The following EXD3 variants were observed in gnomAD, a reference collection of about 807,000 sequenced individuals.
EXD3 encodes the protein exonuclease 3'-5' domain containing 3.
EXD3 carries 92 observed loss-of-function variants against 98.0 expected under a neutral mutation model. The ratio of observed to expected loss-of-function variants is 0.94; its 90% CI spans 0.79 to 1.12. EXD3 has a LOEUF of 1.12. Among genes scored for constraint, EXD3 ranks in the 50% most tolerant of loss-of-function variants. The pLI, the probability that EXD3 is intolerant of heterozygous loss-of-function variation, is 0.00. For missense variants in EXD3, 1,222 were observed against 1,191.6 expected, an observed-to-expected ratio of 1.03 and a Z score of -0.38; for synonymous variants, 569 against 526.0, an observed-to-expected ratio of 1.08 and a Z score of -1.12.
rs371234895 is a variant in EXD3 at position 137,307,642 on chromosome 9, G to A, written c.2283C>T (p.Asp761=). ...SHQEGPRSSG[D]EATQSQAVQE... ...GCACCGCCTGGCTCTGGGTGGCCTC[G>A]TCACCTGTCAGTCAAGGAAGAGAGC... Residue 761 remains aspartate (D), a synonymous_variant, in exon 21 of 22, where the codon GAC becomes GAT. Transcript: ENST00000340951. 1.2e-4 allele frequency: 188 copies of A among 1,609,666 alleles called. No homozygotes were observed. The African/African-American group carries it at 2.2e-3, about 19-fold the overall frequency.
intron 17 of EXD3, among the ~76,000 whole-genome samples, chr9:137,339,718 T>C (rs753525477): frequency 9.2e-5 from 14 of 152,156 alleles, no homozygotes; most frequent in Non-Finnish European, 2.1e-4. Context: ...TCAATGTTCA[T>C]TCATAACAAA....
At chr9:137,415,765 G>A (rs1838204765) in intron 1 of EXD3, among the ~76,000 whole-genome samples, 10 of 152,216 alleles carry the variant, frequency 6.6e-5, no homozygotes, top group Admixed American at 6.5e-4. Context: ...CCCCAGTTCT[G>A]ATCACACAAG....
chr9:137,361,710 C>T (rs145919820), intron 7 of EXD3, among the ~76,000 whole-genome samples: 1,511 of 146,272 alleles, frequency 0.01, 30 homozygotes, highest in African/African-American at 0.036. Context: ...CGCGCCACTG[C>T]ACTCTAGCCT....
At chr9:137,391,728 C>T (rs1393587357) in intron 2 of EXD3, 1 of 152,278 alleles carries the variant, frequency 6.6e-6, no homozygotes, top group East Asian at 1.9e-4. Flanking sequence ...CCAAGGAAGG[C>T]TCAAGCGCCG....
At chr9:137,353,599 CGCAGCCACCGTG>C (rs1554809925) in intron 10 of EXD3, 7 of 985,882 alleles carry the variant, frequency 7.1e-6, no homozygotes, top group Non-Finnish European at 8.4e-6. Flanking sequence ...TCTCCCACCC[CGCAGCCACCGTG>C]GCAGCGCCCA....
At position 137,396,697 on chromosome 9, in the gene EXD3, C is replaced by T. The variant is rs188261418; in HGVS notation, c.-47-1293G>A. Among the ~76,000 whole-genome samples the T allele has an allele frequency of 2.6e-4, 40 of 152,370 alleles. No homozygotes were observed. In the East Asian group the frequency reaches 5.6e-3, roughly 21 times the overall value. On this transcript the variant is annotated intron_variant, in intron 1 of 21. Coordinates refer to ENST00000340951, the MANE Select transcript of EXD3 (RefSeq NM_017820.5). ...GTGGACATCGTCTGTGGACTCAGGA[C>T]GGACAGAGGCCGTTCCCAGCCGCGT...
chr9:137,330,188 C>G (rs552487212), intron 17 of EXD3, among the ~76,000 whole-genome samples: 9 of 135,938 alleles, frequency 6.6e-5, no homozygotes, highest in Admixed American at 3.7e-4. Context: ...CGGGACTACA[C>G]AGGACTACAC....
At chr9:137,325,256 C>A (rs913889938) in intron 17 of EXD3, among the ~76,000 whole-genome samples, 1 of 152,080 alleles carries the variant, frequency 6.6e-6, no homozygotes, top group African/African-American at 2.4e-5. Flanking sequence ...GACAACGAGG[C>A]CGGAGCGTCT....
chr9:137,394,902 G>C (rs1344053993), intron 2 of EXD3, among the ~76,000 whole-genome samples: 1 of 152,120 alleles, frequency 6.6e-6, no homozygotes, highest in Non-Finnish European at 1.5e-5. Flanking sequence ...GGTTCCCTGA[G>C]CCCCCAGTGG....
chr9:137,397,620 C>A (rs964207978), intron 1 of EXD3, among the ~76,000 whole-genome samples: 1 of 152,152 alleles, frequency 6.6e-6, no homozygotes, highest in Non-Finnish European at 1.5e-5. Flanking sequence ...TTGGTGTTAG[C>A]AAAGACTTTA....
chr9:137,317,322 C>G (rs1273557876), intron 19 of EXD3, among the ~76,000 whole-genome samples: 1 of 152,180 alleles, frequency 6.6e-6, no homozygotes, highest in Non-Finnish European at 1.5e-5. Flanking sequence ...CTGGCCATGG[C>G]CGGTCCCTCC....
rs1045133379 is a variant in EXD3 at position 137,405,736 on chromosome 9, A to T, written c.-47-10332T>A. ...GTAGATCAAGTTCCTGATAAATGTT[A>T]GAGTTAGCCTGACTCAGCATGAGCC... On this transcript the variant is annotated intron_variant, in intron 1 of 21. Transcript: ENST00000340951. This position sits in a 1 kb window ranked among gnomAD's most constrained non-coding sequence, Gnocchi z 4.1. Among the ~76,000 whole-genome samples the T allele has an allele frequency of 6.6e-6, 1 of 152,236 alleles. No individual in the cohort carries two copies. The highest frequency in any genetic ancestry group is 1.5e-5 in the Non-Finnish European group (1 of 68,040).
rs944233035 is a variant in EXD3, at chr9:137,407,003, C to T, written c.-47-11599G>A. Among the ~76,000 whole-genome samples, 42 of 152,080 alleles carry T rather than the reference C, an allele frequency of 2.8e-4. No individual in the cohort carries two copies. Among genetic ancestry groups the T allele is most frequent in the African/African-American group, 1.0e-3 (42 of 41,352 alleles). Reference sequence around the variant, plus strand: ...TCCCAGGGTCCTGTGACCGGGAAGGCCCCGCATCTGCTGCACCCGGAGTGG... The same window carrying T: ...TCCCAGGGTCCTGTGACCGGGAAGGTCCCGCATCTGCTGCACCCGGAGTGG... On this transcript the variant is annotated intron_variant, in intron 1 of 21. Transcript: ENST00000340951. The surrounding 1 kb of genome is among the most constrained non-coding windows in gnomAD (Gnocchi z 4.4).
chr9:137,382,967 G>A (rs1286951587), intron 3 of EXD3, among the ~76,000 whole-genome samples: 2 of 152,326 alleles, frequency 1.3e-5, no homozygotes, highest in East Asian at 3.9e-4. Context: ...GTGGCCACCC[G>A]GGCCTGGGTG....
intron 17 of EXD3, among the ~76,000 whole-genome samples, chr9:137,327,823 T>A (rs200050494): frequency 3.0e-5 from 4 of 133,414 alleles, no homozygotes; most frequent in African/African-American, 8.7e-5. Context: ...ACAACTAATA[T>A]ACACCCATAT....
chr9:137,376,493 T>C (rs1323386523), intron 3 of EXD3, among the ~76,000 whole-genome samples: 1 of 151,710 alleles, frequency 6.6e-6, no homozygotes, highest in East Asian at 1.9e-4. Flanking sequence ...GAGAGACAAG[T>C]AGATTTACGG....
In EXD3 at chr9:137,306,914, A is replaced by T. The variant is rs548375974; in HGVS notation, c.*36T>A. 1 of 1,525,252 alleles carries T rather than the reference A, an allele frequency of 6.6e-7. No homozygotes were observed. The highest frequency in any genetic ancestry group is 1.4e-5 in the African/African-American group (1 of 72,632). The allele number at this position is 1,525,252 out of a possible 1,614,324, so 94.5% of individuals were successfully genotyped here. On this transcript the variant is annotated 3_prime_UTR_variant, in exon 22 of 22. Transcript: ENST00000340951. The stretch of plus-strand genomic sequence containing the variant: ...GCCAGTCCACGGCCATGGGCCCAGC[A>T]GTCGGGCACTTTCCATGTTTATTGT...
intron 1 of EXD3, among the ~76,000 whole-genome samples, chr9:137,416,342 C>T (rs772665145): frequency 2.8e-4 from 42 of 152,354 alleles, no homozygotes; most frequent in Middle Eastern, 3.4e-3. Flanking sequence ...CCCTCACGAC[C>T]TATCTCCATG....
chr9:137,313,782 T>C (rs931990516), intron 19 of EXD3, among the ~76,000 whole-genome samples: 1 of 152,116 alleles, frequency 6.6e-6, no homozygotes, highest in South Asian at 2.1e-4. Flanking sequence ...AGGAGCACAC[T>C]CTGGAGCAAC....
Sources: gnomAD v4.1 joint callset for allele counts (sites outside exome capture counted in the v4.1 genomes callset) on GRCh38, gnomAD v4.1.1 for gene constraint, Gnocchi (gnomAD v3.1) non-coding constraint, MANE v1.5 for transcripts, NCBI Gene and HGNC (gene_info 2026-07-23, HGNC 2026-07-21) for gene names.